Variants in GNA14 observed in about 807,000 individuals in gnomAD.
The protein encoded by GNA14 is guanine nucleotide-binding protein subunit alpha-14.
Under a neutral mutation model 42.0 loss-of-function variants are expected in GNA14, and 50 were observed. The observed-to-expected ratio is 1.19, with a 90% CI of 0.95 to 1.51. The LOEUF (loss-of-function observed/expected upper bound fraction) is 1.51. GNA14 is among the 40% of genes most tolerant of loss of function. The probability of loss-of-function intolerance (pLI) is 0.00; values close to 1 mark genes in which losing one functional copy is unlikely to be tolerated. For synonymous variants in GNA14, 173 were observed against 163.1 expected, an observed-to-expected ratio of 1.06 and a Z score of -0.46; for missense variants, 473 against 446.2, an observed-to-expected ratio of 1.06 and a Z score of -0.54.
In GNA14 at chr9:77,647,739, C is replaced by A; in HGVS notation, c.55G>T (p.Ala19Ser). 6.2e-7 allele frequency: 1 copy of A among 1,609,594 alleles called. No homozygotes were observed. Among genetic ancestry groups the A allele is most frequent in the Non-Finnish European group, 8.5e-7 (1 of 1,178,426 alleles). Residue 19 changes from alanine (A) to serine (S), a missense_variant, in exon 1 of 7, where the codon GCG (alanine) becomes TCG (serine). Physicochemically the swap from Ala to Ser is moderately conservative, Grantham distance 99. Coordinates refer to ENST00000341700, the MANE Select transcript of GNA14 (RefSeq NM_004297.4). Reference sequence around the variant, plus strand: ...CGACGAAGCTGTCGCTCGATCTCCGCGCTGATGCGCTGCGACTCCTTCTCC... The same window carrying A: ...CGACGAAGCTGTCGCTCGATCTCCGAGCTGATGCGCTGCGACTCCTTCTCC... ...AEEKESQRIS[A>S]EIERQLRRDK...
intron 1 of GNA14, among the ~76,000 whole-genome samples, chr9:77,549,148 T>C (rs1276532218): frequency 6.6e-6 from 1 of 152,196 alleles, no homozygotes; most frequent in Non-Finnish European, 1.5e-5. Context: ...TTGGCCAGGA[T>C]GGTCTTGATC....
chr9:77,595,681 C>A (rs554277936), intron 1 of GNA14, among the ~76,000 whole-genome samples: 1 of 152,326 alleles, frequency 6.6e-6, no homozygotes, highest in African/African-American at 2.4e-5. Flanking sequence ...CTACTCTCAA[C>A]TAACCCACGC....
chr9:77,544,689 A>AAAG (rs1456696234), intron 1 of GNA14, among the ~76,000 whole-genome samples: 3 of 151,596 alleles, frequency 2.0e-5, no homozygotes, highest in African/African-American at 7.3e-5. Flanking sequence ...AAAAAAAAAA[A>AAAG]AAGAAGGTTC....
chr9:77,577,512 A>G (rs1017836640), intron 1 of GNA14, among the ~76,000 whole-genome samples: 1 of 152,232 alleles, frequency 6.6e-6, no homozygotes, highest in Admixed American at 6.5e-5. Context: ...ACATCTGATC[A>G]TCCTACAAGG....
At chr9:77,529,046 C>A (rs1373213472) in intron 2 of GNA14, 23 bp downstream of exon 2, 1 of 1,605,100 alleles carries the variant, frequency 6.2e-7, no homozygotes, top group East Asian at 2.2e-5. Context: ...ACAAATAGGG[C>A]AAGCACTCCC....
intron 1 of GNA14, among the ~76,000 whole-genome samples, chr9:77,595,902 GAT>G (rs915942918): frequency 1.7e-4 from 26 of 152,144 alleles, no homozygotes; most frequent in Admixed American, 8.5e-4. Context: ...GCAAAAACAA[GAT>G]ATGAGTCCTT....
At chr9:77,539,178 T>C (rs1027372507) in intron 1 of GNA14, among the ~76,000 whole-genome samples, 16 of 152,234 alleles carry the variant, frequency 1.1e-4, no homozygotes, top group Admixed American at 3.3e-4. Context: ...GGTATGTATG[T>C]TCCTTCTATT....
chr9:77,563,890 C>G (rs1439100470), intron 1 of GNA14, among the ~76,000 whole-genome samples: 1 of 152,078 alleles, frequency 6.6e-6, no homozygotes, highest in Non-Finnish European at 1.5e-5. Flanking sequence ...CAGAGTTTAT[C>G]CAGAAGACCA....
chr9:77,622,858 C>T (rs1034020496), intron 1 of GNA14, among the ~76,000 whole-genome samples: 1 of 147,772 alleles, frequency 6.8e-6, no homozygotes, highest in African/African-American at 2.5e-5. Flanking sequence ...AGAACCACTA[C>T]ACTCCATCCT....
chr9:77,447,423 T>A (rs1835839320), intron 2 of GNA14, among the ~76,000 whole-genome samples: 2 of 152,120 alleles, frequency 1.3e-5, no homozygotes, highest in Non-Finnish European at 2.9e-5. Context: ...TCTTCCCCAA[T>A]CAAAAAGTGC....
chr9:77,474,431 CAA>C (rs1836383782), intron 2 of GNA14, among the ~76,000 whole-genome samples: 1 of 151,834 alleles, frequency 6.6e-6, no homozygotes, highest in African/African-American at 2.4e-5. Flanking sequence ...CCAGGAAACA[CAA>C]ATCAAAACCA....
intron 2 of GNA14, among the ~76,000 whole-genome samples, chr9:77,447,192 C>T (rs561066269): frequency 6.4e-4 from 97 of 152,232 alleles, no homozygotes; most frequent in Non-Finnish European, 3.2e-4. Context: ...TGATCGCTGA[C>T]CTCGTCCTCT....
At chr9:77,519,782 G>A (rs1335662231) in intron 2 of GNA14, among the ~76,000 whole-genome samples, 2 of 152,104 alleles carry the variant, frequency 1.3e-5, no homozygotes, top group African/African-American at 2.4e-5. Context: ...AGGCTGAGGT[G>A]GGTGCACACC....
chr9:77,524,925 C>T (rs1189526635), intron 2 of GNA14, among the ~76,000 whole-genome samples: 2 of 152,082 alleles, frequency 1.3e-5, no homozygotes, highest in African/African-American at 4.8e-5. Flanking sequence ...CAGAGCATGT[C>T]TCATTTAACA....
intron 2 of GNA14, among the ~76,000 whole-genome samples, chr9:77,447,186 C>A (rs1354331990): frequency 6.6e-6 from 1 of 152,136 alleles, no homozygotes; most frequent in Non-Finnish European, 1.5e-5. Flanking sequence ...CTCAAATGAT[C>A]GCTGACCTCG....
chr9:77,438,738 C>A (rs1003019408), intron 2 of GNA14, among the ~76,000 whole-genome samples: 1 of 152,160 alleles, frequency 6.6e-6, no homozygotes, highest in African/African-American at 2.4e-5. Context: ...TGTGCAAACA[C>A]ACACACACTT....
chr9:77,476,469 G>A (rs777323979), intron 2 of GNA14, among the ~76,000 whole-genome samples: 1 of 152,164 alleles, frequency 6.6e-6, no homozygotes, highest in Non-Finnish European at 1.5e-5. Flanking sequence ...ACACAGAATC[G>A]TAAAGCTCCC....
chr9:77,622,674 C>T (rs186814644), intron 1 of GNA14, among the ~76,000 whole-genome samples: 5 of 146,868 alleles, frequency 3.4e-5, no homozygotes, highest in African/African-American at 1.3e-4. Flanking sequence ...ATCACGAAGT[C>T]AGGAGATTGA....
intron 2 of GNA14, among the ~76,000 whole-genome samples, chr9:77,479,278 A>G (rs987984105): frequency 1.3e-5 from 2 of 152,170 alleles, no homozygotes; most frequent in African/African-American, 4.8e-5. Context: ...GTTAAACAGG[A>G]AATCCTTTCC....
Sources: gnomAD v4.1 joint callset for allele counts (sites outside exome capture counted in the v4.1 genomes callset) on GRCh38, gnomAD v4.1.1 for gene constraint, MANE v1.5 for transcripts, NCBI Gene and HGNC (gene_info 2026-07-23, HGNC 2026-07-21) for gene names.